ANOS1: variants seen among roughly 807,000 people sequenced by gnomAD.
ANOS1 encodes anosmin-1.
In ANOS1, 6 loss-of-function variants were observed where a neutral mutation model predicts 59.0. The ratio of observed to expected loss-of-function variants is 0.10; its 90% CI spans 0.06 to 0.20. The LOEUF (loss-of-function observed/expected upper bound fraction) is 0.20. Ranked by LOEUF, ANOS1 falls within the 10% of genes least tolerant of loss-of-function variation. The pLI is 1.00. For synonymous variants in ANOS1, 217 were observed against 223.4 expected (o/e 0.97, Z 0.25); for missense variants, 433 against 542.3 (o/e 0.80, Z 2.00).
At chrX:8,549,247 AT>A (rs1289943634) in intron 9 of ANOS1, among the ~76,000 whole-genome samples, 4 of 112,412 alleles carry the variant, frequency 3.6e-5, no homozygotes, top group African/African-American at 1.3e-4. Context: ...CTTCACATTT[AT>A]TTCTAACTTT....
At chrX:8,682,134 GC>G (rs1231376544) in intron 2 of ANOS1, among the ~76,000 whole-genome samples, 2 of 110,861 alleles carry the variant, frequency 1.8e-5, no homozygotes, top group Non-Finnish European at 3.8e-5. Context: ...TGAAAAGTGA[GC>G]TAAGAAGGAG....
At chrX:8,625,973 G>A (rs1007761524) in intron 2 of ANOS1, among the ~76,000 whole-genome samples, 3 of 108,059 alleles carry the variant, frequency 2.8e-5, no homozygotes, top group Non-Finnish European at 5.7e-5. Flanking sequence ...TTAGCTGGGT[G>A]TGGTGGTGGG....
At chrX:8,602,076 A>ATTATT (rs1930853239) in intron 3 of ANOS1, among the ~76,000 whole-genome samples, 1 of 112,390 alleles carries the variant, frequency 8.9e-6, no homozygotes, top group African/African-American at 3.2e-5. Flanking sequence ...ACAGTCTTAC[A>ATTATT]GAGGAGCTTT....
chrX:8,630,890 G>A (rs1601992515), intron 2 of ANOS1, among the ~76,000 whole-genome samples: 1 of 112,898 alleles, frequency 8.9e-6, no homozygotes, highest in East Asian at 2.8e-4. Context: ...ATGCCACCAG[G>A]GTGTCAGAGG....
At chrX:8,668,373 T>C (rs1287370864) in intron 2 of ANOS1, among the ~76,000 whole-genome samples, 5 of 95,065 alleles carry the variant, frequency 5.3e-5, no homozygotes, top group Non-Finnish European at 8.3e-5. Context: ...CATTCCTTTT[T>C]ATGGCTGAAT....
chrX:8,710,930 A>G (rs1932808888), intron 1 of ANOS1, among the ~76,000 whole-genome samples: 2 of 112,393 alleles, frequency 1.8e-5, no homozygotes, highest in Admixed American at 1.9e-4. Context: ...GATCACACAC[A>G]TATTACTGAA....
intron 13 of ANOS1, 100 bp from the exon 14 acceptor site, chrX:8,533,153 T>G: frequency 1.8e-6 from 1 of 542,226 alleles, no homozygotes; most frequent in East Asian, 3.6e-5. Context: ...CCCTGGCAAA[T>G]GTTCCTTCCT....
chrX:8,579,648 C>T (rs996951983), intron 6 of ANOS1, among the ~76,000 whole-genome samples: 11 of 111,510 alleles, frequency 9.9e-5, no homozygotes, highest in African/African-American at 3.6e-4. Context: ...TCAGGGCACA[C>T]CAGCTCAACT....
chrX:8,596,678 C>G (rs113636400), intron 4 of ANOS1, among the ~76,000 whole-genome samples: 2 of 111,560 alleles, frequency 1.8e-5, no homozygotes, highest in East Asian at 5.7e-4. Context: ...GCTTCATCTC[C>G]CAGCCTATTT....
chrX:8,570,376 G>T, intron 7 of ANOS1, 123 bp downstream of exon 7: 1 of 605,613 alleles, frequency 1.7e-6, no homozygotes, highest in Non-Finnish European at 2.8e-6. Context: ...GAAATGAATG[G>T]GAGGGAAGCT....
intron 8 of ANOS1, among the ~76,000 whole-genome samples, chrX:8,557,978 A>T (rs1196906729): frequency 8.9e-6 from 1 of 112,049 alleles, no homozygotes; most frequent in African/African-American, 3.2e-5. Context: ...CACACCATGG[A>T]ATACTATGTA....
In ANOS1 at chrX:8,581,144, G is replaced by A. The variant is rs182110517; in HGVS notation, c.856+4123C>T. On this transcript the variant is annotated intron_variant, in intron 6 of 13. Transcript: ENST00000262648. Reference sequence around the variant, plus strand: ...CCCCACCGAAATCTCAACTTGAATTGTATCTCCCAGAATTCCCACATGTTG... The same window carrying A: ...CCCCACCGAAATCTCAACTTGAATTATATCTCCCAGAATTCCCACATGTTG... Among the ~76,000 whole-genome samples, 917 of 108,381 alleles carry A rather than the reference G, an allele frequency of 8.5e-3. 19 individuals are homozygous for A. The highest frequency in any genetic ancestry group is 0.031 in the African/African-American group (863 of 27,669). 94.1% of individuals were successfully genotyped at this position (108,381 alleles called of 115,157 possible). A position where few individuals can be genotyped will look rare whatever the true frequency, so the allele number is the denominator to read the frequency against.
chrX:8,668,153 C>A (rs1364120174), intron 2 of ANOS1, among the ~76,000 whole-genome samples: 2 of 107,579 alleles, frequency 1.9e-5, no homozygotes, highest in African/African-American at 6.8e-5. Flanking sequence ...ATACACTGAA[C>A]CCAATTTGTA....
chrX:8,558,415 G>A (rs767630609), intron 8 of ANOS1, among the ~76,000 whole-genome samples: 8 of 109,347 alleles, frequency 7.3e-5, no homozygotes, highest in South Asian at 4.0e-4. Context: ...TGGTGTAACC[G>A]CATGTTCTTT....
Position 8,558,372 on chromosome X carries a change from T to C in ANOS1, c.1208-4274A>G, listed in dbSNP as rs774325389. Reference sequence around the variant, plus strand: ...TTCATTTCATCCTGTTATTTAGTCATATTAACTGTCTGTTTTTTTTTTAAG... The same window carrying C: ...TTCATTTCATCCTGTTATTTAGTCACATTAACTGTCTGTTTTTTTTTTAAG... On this transcript the variant is annotated intron_variant, in intron 8 of 13. Transcript: ENST00000262648. 2.7e-5 allele frequency among the ~76,000 whole-genome samples: 3 copies of C among 110,883 alleles called. No individual in the cohort carries two copies. The East Asian group carries it at 8.5e-4, about 31-fold the overall frequency.
chrX:8,539,175 A>G (rs1308319438), intron 10 of ANOS1, among the ~76,000 whole-genome samples: 1 of 109,787 alleles, frequency 9.1e-6, no homozygotes, highest in Non-Finnish European at 1.9e-5. Flanking sequence ...CTTAAAGTTG[A>G]AAGTCAAAAT....
intron 8 of ANOS1, chrX:8,566,270 A>C (rs1224067624): frequency 1.3e-6 from 1 of 750,398 alleles, no homozygotes; most frequent in Non-Finnish European, 1.6e-6. Context: ...CCAAATTCAA[A>C]ATTAGGCACT....
intron 3 of ANOS1, 101 bp downstream of exon 3, chrX:8,623,507 C>A: frequency 1.6e-6 from 1 of 613,577 alleles, no homozygotes. Flanking sequence ...ATGATCTCCC[C>A]AAGCTGCAGA....
At chrX:8,594,658 GTATATATATATATATATATATATA>G (rs767812487) in intron 4 of ANOS1, among the ~76,000 whole-genome samples, 22 of 33,554 alleles carry the variant, frequency 6.6e-4, no homozygotes, top group East Asian at 3.4e-3. Flanking sequence ...ATATATATGT[GTATATATATATATATATATATATA>G]TATATATATA....
Sources: allele counts gnomAD v4.1 joint callset (sites outside exome capture counted in the v4.1 genomes callset), GRCh38; gene constraint gnomAD v4.1.1; transcripts MANE v1.5; gene names NCBI Gene and HGNC (gene_info 2026-07-23, HGNC 2026-07-21).